Variants in XKR7 observed in about 807,000 individuals in gnomAD.
XKR7 encodes the protein XK related 7.
Under a neutral mutation model 42.2 loss-of-function variants are expected in XKR7, and 11 were observed. The ratio of observed to expected loss-of-function variants is 0.26; its 90% CI spans 0.16 to 0.43. The LOEUF is 0.43. Ranked by LOEUF, XKR7 falls within the 20% of genes least tolerant of loss-of-function variation. The pLI is 1.00. For missense variants in XKR7, 710 were observed against 802.2 expected (o/e 0.89, Z 1.39); for synonymous variants, 346 against 366.4 (o/e 0.94, Z 0.64).
chr20:31,989,183 G>A (rs558847871), intron 1 of XKR7, among the ~76,000 whole-genome samples: 9 of 152,290 alleles, frequency 5.9e-5, no homozygotes, highest in Admixed American at 3.3e-4. Context: ...CTGATGAGGA[G>A]CCAGCCATGG....
chr20:31,992,345 G>A (rs920389319), intron 1 of XKR7, among the ~76,000 whole-genome samples: 8 of 152,204 alleles, frequency 5.3e-5, no homozygotes, highest in Non-Finnish European at 7.3e-5. Flanking sequence ...TGTGGGGTAA[G>A]CAGGAGTCCA....
intron 1 of XKR7, among the ~76,000 whole-genome samples, chr20:31,990,008 T>C (rs979852193): frequency 6.6e-6 from 1 of 152,194 alleles, no homozygotes; most frequent in African/African-American, 2.4e-5. Context: ...AAGATCAGCT[T>C]CTTTCAACTT....
Position 31,985,383 on chromosome 20 carries a change from G to A in XKR7, c.585-9685G>A, listed in dbSNP as rs916343353. On this transcript the variant is annotated intron_variant, in intron 1 of 2. Coordinates refer to ENST00000562532, the MANE Select transcript of XKR7 (RefSeq NM_001011718.2). ...TCGGAAATGCTGAGACCGACAGATG[G>A]AGGAGCTGAGGATGTGAGAGACACA... Among the ~76,000 whole-genome samples the A allele has an allele frequency of 2.6e-5, 4 of 152,108 alleles. No homozygotes were observed. In the East Asian group the frequency reaches 7.7e-4, roughly 29 times the overall value.
intron 1 of XKR7, among the ~76,000 whole-genome samples, chr20:31,971,601 G>C (rs753045081): frequency 1.3e-5 from 2 of 152,212 alleles, no homozygotes; most frequent in Non-Finnish European, 2.9e-5. Context: ...GGTGGGGCCT[G>C]GGGTAATGAA....
intron 1 of XKR7, among the ~76,000 whole-genome samples, chr20:31,985,522 C>A (rs1334403809): frequency 1.3e-5 from 2 of 151,976 alleles, no homozygotes; most frequent in Non-Finnish European, 2.9e-5. Flanking sequence ...GCAGATGGAC[C>A]AAGCAGTCGA....
At chr20:31,972,844 G>C (rs1323425773) in intron 1 of XKR7, among the ~76,000 whole-genome samples, 3 of 152,214 alleles carry the variant, frequency 2.0e-5, no homozygotes, top group Non-Finnish European at 4.4e-5. Context: ...TGACAGAGAA[G>C]TTCTGGAATG....
rs760656078 is a variant in XKR7 at position 31,995,138 on chromosome 20, T to C, written c.655T>C (p.Trp219Arg). Residue 219 changes from tryptophan to arginine, a missense_variant, in exon 2 of 3, where the codon TGG (tryptophan) becomes CGG (arginine). Trp to Arg is a moderately radical substitution (Grantham distance 101, BLOSUM62 -3). This residue lies in a region of XKR7 where 708 missense variants were observed against 786.2 expected (regional missense o/e 0.90). Transcript: ENST00000562532. The surrounding 1 kb of genome is among the most constrained non-coding windows in gnomAD (Gnocchi z 4.1). ...RGERLRRHFYWQMLFESADVS... is the reference protein window; with the variant it reads ...RGERLRRHFYRQMLFESADVS... The stretch of plus-strand genomic sequence containing the variant: ...GGAGCGGCTGCGGCGCCACTTCTAC[T>C]GGCAGATGCTGTTCGAGAGCGCCGA... 1 of 1,558,602 alleles carries C rather than the reference T, an allele frequency of 6.4e-7. No homozygotes were observed. Among genetic ancestry groups the C allele is most frequent in the African/African-American group, 1.4e-5 (1 of 73,658 alleles).
intron 1 of XKR7, among the ~76,000 whole-genome samples, chr20:31,988,796 T>G (rs989873055): frequency 6.6e-6 from 1 of 152,044 alleles, no homozygotes; most frequent in African/African-American, 2.4e-5. Flanking sequence ...AGGAAGAAGG[T>G]CAAGAATGAG....
At chr20:31,977,755 G>A (rs535576177) in intron 1 of XKR7, among the ~76,000 whole-genome samples, 3 of 152,206 alleles carry the variant, frequency 2.0e-5, no homozygotes, top group Admixed American at 6.5e-5. Flanking sequence ...GGGCAGATGC[G>A]AACTCAAAGT....
At chr20:31,980,160 G>A (rs549227202) in intron 1 of XKR7, among the ~76,000 whole-genome samples, 4 of 149,678 alleles carry the variant, frequency 2.7e-5, no homozygotes, top group Non-Finnish European at 1.5e-5. Flanking sequence ...AAGAGGTGCT[G>A]TGACTCTGTA....
intron 1 of XKR7, among the ~76,000 whole-genome samples, chr20:31,969,289 A>G (rs775527250): frequency 5.0e-4 from 76 of 152,204 alleles, no homozygotes; most frequent in Non-Finnish European, 7.8e-4. Flanking sequence ...GACTTTTTGG[A>G]GAAAGATATG....
rs374398061 is a variant in XKR7 at position 31,997,287 on chromosome 20, C to T, written c.1570C>T (p.Arg524Trp). The change falls in exon 3 of 3, where the codon CGG becomes TGG. Residue 524 changes from arginine (R) to tryptophan (W), a missense_variant. Transcript: ENST00000562532. ...CTTGCGGACAGAGGGGCCTGTCATC[C>T]GGATTGACTTGCCTCGCAAGAAGTA... Reference protein sequence around the residue: ...RTLRTEGPVIRIDLPRKKYPA... With the variant: ...RTLRTEGPVIWIDLPRKKYPA... The T allele has an allele frequency of 4.6e-5, 74 of 1,612,100 alleles. No homozygotes were observed. The highest frequency in any genetic ancestry group is 5.6e-5 in the Non-Finnish European group (66 of 1,180,022).
At chr20:31,974,311 T>C (rs1303018499) in intron 1 of XKR7, among the ~76,000 whole-genome samples, 1 of 152,168 alleles carries the variant, frequency 6.6e-6, no homozygotes, top group Non-Finnish European at 1.5e-5. Context: ...TGGATCAAAC[T>C]GTAGCAACAG....
In XKR7 at chr20:31,968,731, C is replaced by A; in HGVS notation, c.556C>A (p.His186Asn). The part of the protein sequence containing the change: ...LCIWLLQTLV[H>N]LLQLGQVWRY... ...CATCTGGCTGCTGCAGACCCTCGTC[C>A]ACCTCCTGCAGCTCGGCCAGGTCTG... The change falls in exon 1 of 3, where the codon CAC becomes AAC. Residue 186 changes from histidine to asparagine, a missense_variant. His to Asn is a moderately conservative substitution (Grantham distance 68, BLOSUM62 1). This residue lies in a region of XKR7 where 708 missense variants were observed against 786.2 expected (regional missense o/e 0.90). Coordinates refer to ENST00000562532, the MANE Select transcript of XKR7 (RefSeq NM_001011718.2). The surrounding 1 kb of genome is among the most constrained non-coding windows in gnomAD (Gnocchi z 4.5). The A allele has an allele frequency of 6.5e-7, 1 of 1,546,692 alleles. No individual in the cohort carries two copies. The highest frequency in any genetic ancestry group is 2.3e-5 in the East Asian group (1 of 43,896).
At position 31,994,946 on chromosome 20, in the gene XKR7, T is replaced by G. The variant is rs1208418049; in HGVS notation, c.585-122T>G. 4.8e-6 allele frequency: 7 copies of G among 1,470,102 alleles called. No homozygotes were observed. The African/African-American group carries it at 5.8e-5, about 12-fold the overall frequency. The allele number at this position is 1,470,102 out of a possible 1,614,324, so 91.1% of individuals were successfully genotyped here. A position where few individuals can be genotyped will look rare whatever the true frequency, so the allele number is the denominator to read the frequency against. ...CCTTTCGAAATGCCCATTTCACAGCTGAGGAAACAGGCTCAGCGTAGGGAG... is the reference window on the plus strand; with the variant it reads ...CCTTTCGAAATGCCCATTTCACAGCGGAGGAAACAGGCTCAGCGTAGGGAG... On this transcript the variant is annotated intron_variant, in intron 1 of 2. Transcript: ENST00000562532.
chr20:31,986,164 G>A (rs2064538984), intron 1 of XKR7, among the ~76,000 whole-genome samples: 2 of 117,862 alleles, frequency 1.7e-5, no homozygotes, highest in African/African-American at 3.4e-5. Context: ...AGACCACCAA[G>A]CACACCCAGC....
Position 31,995,400 on chromosome 20 carries a change from G to A in XKR7, c.787+130G>A. ...AGGGCTCACTCAGTCAGGGTTTAGG[G>A]AGGCCTGCCCCTTCTACCCTCACCA... On this transcript the variant is annotated intron_variant, in intron 2 of 2. Transcript: ENST00000562532. This position sits in a 1 kb window ranked among gnomAD's most constrained non-coding sequence, Gnocchi z 4.1. 6.9e-7 allele frequency: 1 copy of A among 1,452,692 alleles called. No homozygotes were observed. The highest frequency in any genetic ancestry group is 9.1e-7 in the Non-Finnish European group (1 of 1,095,564). The allele number at this position is 1,452,692 out of a possible 1,614,324, so 90.0% of individuals were successfully genotyped here.
intron 1 of XKR7, among the ~76,000 whole-genome samples, chr20:31,969,535 G>C (rs980781328): frequency 1.3e-5 from 2 of 152,236 alleles, no homozygotes; most frequent in African/African-American, 2.4e-5. Context: ...GCTGCACTGA[G>C]TTAAGTGGAG....
chr20:31,984,203 G>A (rs1444271980), intron 1 of XKR7, among the ~76,000 whole-genome samples: 1 of 151,932 alleles, frequency 6.6e-6, no homozygotes, highest in Admixed American at 6.6e-5. Context: ...GGAGGTTGCA[G>A]TGAGCCAAGA....
Sources: gnomAD v4.1 joint callset for allele counts (sites outside exome capture counted in the v4.1 genomes callset) on GRCh38, gnomAD v4.1.1 for gene constraint, gnomAD v4.1.1 regional missense constraint, Gnocchi (gnomAD v3.1) non-coding constraint, MANE v1.5 for transcripts, NCBI Gene and HGNC (gene_info 2026-07-23, HGNC 2026-07-21) for gene names.